Variants in MDGA2 observed in about 807,000 individuals in gnomAD.
The protein encoded by MDGA2 is MAM domain-containing glycosylphosphatidylinositol anchor protein 2.
Under a neutral mutation model 117.8 loss-of-function variants are expected in MDGA2, and 40 were observed. That is an observed-to-expected ratio of 0.34 (90% CI 0.26 to 0.44). The LOEUF (loss-of-function observed/expected upper bound fraction) is 0.44, where lower values mean the gene tolerates loss of function less well. Among genes scored for constraint, MDGA2 ranks in the 20% least tolerant of loss-of-function variants. MDGA2 has a pLI of 1.00. For synonymous variants in MDGA2, 452 were observed against 439.0 expected, an observed-to-expected ratio of 1.03 and a Z score of -0.37; for missense variants, 1,123 against 1,250.6, an observed-to-expected ratio of 0.90 and a Z score of 1.54.
At chr14:46,913,097 T>C (rs1883766395) in intron 10 of MDGA2, among the ~76,000 whole-genome samples, 1 of 152,130 alleles carries the variant, frequency 6.6e-6, no homozygotes, top group Non-Finnish European at 1.5e-5. Context: ...ATAAGGTCAC[T>C]ATCTTTTTCA....
At chr14:47,071,098 A>G (rs1158042799) in intron 6 of MDGA2, among the ~76,000 whole-genome samples, 6 of 152,252 alleles carry the variant, frequency 3.9e-5, no homozygotes, top group African/African-American at 1.4e-4. Context: ...AAAATAGATG[A>G]AAATAGGATC....
intron 9 of MDGA2, among the ~76,000 whole-genome samples, chr14:46,934,800 TA>T (rs1011579915): frequency 2.8e-4 from 42 of 152,230 alleles, no homozygotes; most frequent in African/African-American, 7.5e-4. Context: ...AATTTTATAT[TA>T]AAAAAATCAT....
rs1259884867 is a variant in MDGA2, at chr14:46,884,189, A to C, written c.2239-1968T>G. ...TCTTTGGTGTCACAAATTAGAGTGG[A>C]GAAGATCCCTTGCTTTGAGAAGGCC... On this transcript the variant is annotated intron_variant, in intron 10 of 16. Transcript: ENST00000399232. The surrounding 1 kb of genome is among the most constrained non-coding windows in gnomAD (Gnocchi z 4.1). Among the ~76,000 whole-genome samples the C allele has an allele frequency of 6.6e-6, 1 of 152,100 alleles. No individual in the cohort carries two copies. The highest frequency in any genetic ancestry group is 2.4e-5 in the African/African-American group (1 of 41,432).
chr14:47,266,631 T>C (rs1887974449), intron 2 of MDGA2, among the ~76,000 whole-genome samples: 1 of 152,176 alleles, frequency 6.6e-6, no homozygotes, highest in African/African-American at 2.4e-5. Flanking sequence ...CTCTTCAGGA[T>C]CTGTTCCCTA....
chr14:47,625,436 T>C (rs1268903610), intron 1 of MDGA2, among the ~76,000 whole-genome samples: 2 of 152,214 alleles, frequency 1.3e-5, no homozygotes, highest in Middle Eastern at 3.2e-3. Context: ...CACATACCAA[T>C]GCTGATGCTC....
At chr14:47,420,752 T>C (rs1260748495) in intron 1 of MDGA2, among the ~76,000 whole-genome samples, 5 of 151,960 alleles carry the variant, frequency 3.3e-5, no homozygotes, top group Non-Finnish European at 7.4e-5. Context: ...ACACTAAGTT[T>C]TTATAAGGAC....
chr14:47,151,036 A>T (rs1034369212), intron 3 of MDGA2, among the ~76,000 whole-genome samples: 6 of 152,082 alleles, frequency 3.9e-5, no homozygotes, highest in African/African-American at 1.4e-4. Context: ...ATTCCATTTT[A>T]AAGTTATCTT....
chr14:47,504,637 T>A (rs1005057248), intron 1 of MDGA2, among the ~76,000 whole-genome samples: 1 of 151,826 alleles, frequency 6.6e-6, no homozygotes, highest in Non-Finnish European at 1.5e-5. Flanking sequence ...AACACCACAA[T>A]GAGATACAGC....
At chr14:47,484,736 T>A (rs1002958832) in intron 1 of MDGA2, among the ~76,000 whole-genome samples, 2 of 152,068 alleles carry the variant, frequency 1.3e-5, no homozygotes, top group Non-Finnish European at 2.9e-5. Flanking sequence ...GTCTTTCCCA[T>A]GCTGTTCTCC....
At chr14:46,908,485 A>C (rs781107979) in intron 10 of MDGA2, among the ~76,000 whole-genome samples, 36 of 152,296 alleles carry the variant, frequency 2.4e-4, no homozygotes, top group South Asian at 4.1e-4. Context: ...TAGGAGTCTT[A>C]ACCACTTTCA....
chr14:46,858,440 T>G lies in MDGA2; in HGVS notation c.2753-3286A>C, dbSNP rs547486986. ...TTTTTCTTTTTTTCTTTTTTTTTTT[T>G]TTTTTGAGACGGAGTCTCGCTCTGT... On this transcript the variant is annotated intron_variant, in intron 14 of 16. Coordinates refer to ENST00000399232, the MANE Select transcript of MDGA2 (RefSeq NM_001113498.3). 1.2e-3 allele frequency among the ~76,000 whole-genome samples: 178 copies of G among 147,244 alleles called. 1 individual carries two copies. Among genetic ancestry groups the G allele is most frequent in the African/African-American group, 4.3e-3 (172 of 40,354 alleles).
At chr14:46,885,494 G>A (rs1190254102) in intron 10 of MDGA2, among the ~76,000 whole-genome samples, 3 of 152,080 alleles carry the variant, frequency 2.0e-5, no homozygotes, top group African/African-American at 4.8e-5. Flanking sequence ...ATGAATCAAG[G>A]AAATGGAAAT....
At chr14:47,345,437 C>A (rs1890743908) in intron 1 of MDGA2, among the ~76,000 whole-genome samples, 1 of 152,048 alleles carries the variant, frequency 6.6e-6, no homozygotes, top group African/African-American at 2.4e-5. Context: ...AACAAGTTTT[C>A]ATATCCATTT....
At chr14:46,938,575 C>G (rs1884876634) in intron 9 of MDGA2, among the ~76,000 whole-genome samples, 1 of 87,678 alleles carries the variant, frequency 1.1e-5, no homozygotes, top group South Asian at 4.3e-4. Flanking sequence ...CATCATCTGA[C>G]CCCAATTAGA....
chr14:47,192,241 G>A (rs1386197353), intron 3 of MDGA2, among the ~76,000 whole-genome samples: 1 of 152,156 alleles, frequency 6.6e-6, no homozygotes, highest in African/African-American at 2.4e-5. Context: ...GCTCATGCCT[G>A]TAAGCCCAGA....
chr14:47,188,297 C>G (rs1402517661), intron 3 of MDGA2, among the ~76,000 whole-genome samples: 1 of 152,174 alleles, frequency 6.6e-6, no homozygotes, highest in African/African-American at 2.4e-5. Context: ...GTTACAAAAG[C>G]AGTGTGGCTT....
intron 1 of MDGA2, among the ~76,000 whole-genome samples, chr14:47,415,264 G>T (rs945717119): frequency 3.9e-5 from 6 of 152,056 alleles, no homozygotes; most frequent in Admixed American, 3.9e-4. Context: ...ACCTATCTTT[G>T]CCTCATAGTC....
intron 3 of MDGA2, among the ~76,000 whole-genome samples, chr14:47,198,014 A>G (rs947779085): frequency 6.6e-6 from 1 of 152,178 alleles, no homozygotes; most frequent in Non-Finnish European, 1.5e-5. Context: ...GATACCATTC[A>G]TATGCACTTT....
At chr14:46,879,342 G>A (rs1405546015) in intron 11 of MDGA2, among the ~76,000 whole-genome samples, 1 of 152,050 alleles carries the variant, frequency 6.6e-6, no homozygotes, top group Non-Finnish European at 1.5e-5. Flanking sequence ...AAAAGTGTGA[G>A]AAATAAGTTT....
Sources: gnomAD v4.1 joint callset for allele counts (sites outside exome capture counted in the v4.1 genomes callset) on GRCh38, gnomAD v4.1.1 for gene constraint, Gnocchi (gnomAD v3.1) non-coding constraint, MANE v1.5 for transcripts, NCBI Gene and HGNC (gene_info 2026-07-23, HGNC 2026-07-21) for gene names.